Variants in TNNI3K observed in about 807,000 individuals in gnomAD.
The protein encoded by TNNI3K is serine/threonine-protein kinase TNNI3K.
A neutral mutation model predicts 114.5 loss-of-function variants in TNNI3K; 140 were observed. The observed-to-expected ratio is 1.22, with a 90% confidence interval of 1.07 to 1.41. The LOEUF (loss-of-function observed/expected upper bound fraction) is 1.41, where lower values mean the gene tolerates loss of function less well. Ranked by LOEUF, TNNI3K falls within the 40% of genes most tolerant of loss-of-function variation. TNNI3K has a pLI of 0.00. For synonymous variants in TNNI3K, 347 were observed against 347.5 expected (o/e 1.00, Z 0.02); for missense variants, 1,125 against 1,007.6 (o/e 1.12, Z -1.58).
chr1:74,388,170 C>T (rs1305242613), intron 17 of TNNI3K, among the ~76,000 whole-genome samples: 1 of 151,912 alleles, frequency 6.6e-6, no homozygotes, highest in Non-Finnish European at 1.5e-5. Flanking sequence ...CCCAGCTACT[C>T]AGGAGGCTGA....
intron 20 of TNNI3K, among the ~76,000 whole-genome samples, chr1:74,461,087 A>G (rs1234381249): frequency 6.6e-6 from 1 of 152,206 alleles, no homozygotes; most frequent in Non-Finnish European, 1.5e-5. Flanking sequence ...AACAATATCC[A>G]AATGATCATA....
At chr1:74,348,950 C>A (rs572011628) in intron 9 of TNNI3K, among the ~76,000 whole-genome samples, 2 of 152,166 alleles carry the variant, frequency 1.3e-5, no homozygotes, top group African/African-American at 2.4e-5. Context: ...AAACAGGGAC[C>A]ATTTGACTTC....
intron 20 of TNNI3K, among the ~76,000 whole-genome samples, chr1:74,451,774 TC>T (rs945327140): frequency 4.1e-5 from 6 of 147,138 alleles, no homozygotes; most frequent in African/African-American, 1.5e-4. Context: ...TTTCTTCTTT[TC>T]TTTGCCTTTT....
At chr1:74,384,246 C>T (rs187308852) in intron 17 of TNNI3K, among the ~76,000 whole-genome samples, 1 of 152,072 alleles carries the variant, frequency 6.6e-6, no homozygotes, top group Non-Finnish European at 1.5e-5. Flanking sequence ...ACACGCTATT[C>T]CACAAGTCAC....
At chr1:74,315,602 CATT>C (rs1659262289) in intron 5 of TNNI3K, among the ~76,000 whole-genome samples, 1 of 151,540 alleles carries the variant, frequency 6.6e-6, no homozygotes, top group African/African-American at 2.4e-5. Context: ...TAGCTTGCTC[CATT>C]ATTATTGCTT....
At chr1:74,462,211 C>T (rs1667482291) in intron 20 of TNNI3K, among the ~76,000 whole-genome samples, 1 of 152,112 alleles carries the variant, frequency 6.6e-6, no homozygotes, top group African/African-American at 2.4e-5. Flanking sequence ...AAGTGTTGAT[C>T]AAATCACATT....
intron 16 of TNNI3K, among the ~76,000 whole-genome samples, 155 bp from the exon 17 acceptor site, chr1:74,370,133 A>G (rs956577132): frequency 1.3e-5 from 2 of 151,934 alleles, no homozygotes; most frequent in Admixed American, 6.6e-5. Flanking sequence ...TTTCTGATGT[A>G]GGAAAGCTAT....
At chr1:74,377,517 T>C (rs2100540228) in intron 17 of TNNI3K, among the ~76,000 whole-genome samples, 1 of 152,132 alleles carries the variant, frequency 6.6e-6, no homozygotes. Flanking sequence ...CAGACAATTA[T>C]ATTGCACATG....
chr1:74,483,291 G>A (rs1668593455), intron 21 of TNNI3K: 1 of 717,360 alleles, frequency 1.4e-6, no homozygotes, highest in African/African-American at 1.7e-5. Flanking sequence ...GTGACAGAGG[G>A]TTACATCTTT....
chr1:74,271,949 T>C (rs1656379022), intron 5 of TNNI3K, among the ~76,000 whole-genome samples: 1 of 151,930 alleles, frequency 6.6e-6, no homozygotes, highest in African/African-American at 2.4e-5. Flanking sequence ...AGAGGCTTTA[T>C]AGCAGCTCAG....
intron 4 of TNNI3K, among the ~76,000 whole-genome samples, chr1:74,263,969 T>C (rs1056720499): frequency 6.6e-6 from 1 of 151,988 alleles, no homozygotes; most frequent in Non-Finnish European, 1.5e-5. Flanking sequence ...ATCCTCTTCC[T>C]GTTAAATCAT....
intron 17 of TNNI3K, among the ~76,000 whole-genome samples, chr1:74,404,419 G>T (rs373984689): frequency 2.7e-4 from 41 of 151,984 alleles, no homozygotes; most frequent in African/African-American, 9.4e-4. Flanking sequence ...TTCCTCCCAA[G>T]AACTTGATAT....
intron 5 of TNNI3K, among the ~76,000 whole-genome samples, chr1:74,315,894 G>C (rs1351643094): frequency 2.6e-5 from 4 of 152,078 alleles, no homozygotes; most frequent in African/African-American, 9.7e-5. Context: ...AGCAAATCAA[G>C]TTAATCAACA....
chr1:74,419,039 G>A (rs751834036), intron 17 of TNNI3K, among the ~76,000 whole-genome samples: 6 of 151,966 alleles, frequency 3.9e-5, no homozygotes, highest in Admixed American at 6.6e-5. Context: ...TGTGGCTTTC[G>A]TAACAAATTA....
chr1:74,412,696 C>G (rs1311766924), intron 17 of TNNI3K, among the ~76,000 whole-genome samples: 1 of 152,140 alleles, frequency 6.6e-6, no homozygotes, highest in African/African-American at 2.4e-5. Context: ...TTCACTGGAA[C>G]CTCCCCCTCC....
chr1:74,253,872 A>AGCGAGGGCT (rs1434492289), intron 4 of TNNI3K, among the ~76,000 whole-genome samples: 3 of 152,184 alleles, frequency 2.0e-5, no homozygotes, highest in Non-Finnish European at 4.4e-5. Flanking sequence ...ACCAAGAGCG[A>AGCGAGGGCT]GCGAGGGCTG....
chr1:74,389,847 A>T (rs1663673564), intron 17 of TNNI3K, among the ~76,000 whole-genome samples: 1 of 152,214 alleles, frequency 6.6e-6, no homozygotes, highest in Admixed American at 6.5e-5. Flanking sequence ...TAGAGAGTTC[A>T]ATTAGAAATA....
intron 5 of TNNI3K, among the ~76,000 whole-genome samples, chr1:74,273,427 C>T (rs925829980): frequency 4.0e-5 from 6 of 151,872 alleles, no homozygotes; most frequent in Non-Finnish European, 8.8e-5. Flanking sequence ...ATTAAGGGAT[C>T]TGGGTGAAAT....
At chr1:74,531,812 G>T (rs1395514355) in intron 23 of TNNI3K, among the ~76,000 whole-genome samples, 1 of 152,174 alleles carries the variant, frequency 6.6e-6, no homozygotes, top group Non-Finnish European at 1.5e-5. Context: ...GGATAAGTGT[G>T]CATATGGCAT....
Sources: gnomAD v4.1 joint callset for allele counts (sites outside exome capture counted in the v4.1 genomes callset) on GRCh38, gnomAD v4.1.1 for gene constraint, MANE v1.5 for transcripts, NCBI Gene and HGNC (gene_info 2026-07-23, HGNC 2026-07-21) for gene names.